Variants in SPTA1 observed in about 807,000 individuals in gnomAD.
The protein encoded by SPTA1 is spectrin alpha, erythrocytic 1, also known as spectrin alpha chain, erythrocytic 1.
In SPTA1, 177 loss-of-function variants were observed where a neutral mutation model predicts 324.7. The observed-to-expected ratio is 0.55, with a 90% CI of 0.48 to 0.62. The LOEUF (loss-of-function observed/expected upper bound fraction) is 0.62. SPTA1 is among the 20% of genes least tolerant of loss of function. SPTA1 has a pLI of 0.00. For synonymous variants in SPTA1, 1,195 were observed against 1,041.3 expected (o/e 1.15, Z -2.84); for missense variants, 3,162 against 2,883.6 (o/e 1.10, Z -2.21).
At chr1:158,674,830 T>A (rs1302447435) in intron 8 of SPTA1, among the ~76,000 whole-genome samples, 155 bp from the exon 9 acceptor site, 2 of 152,160 alleles carry the variant, frequency 1.3e-5, no homozygotes, top group Non-Finnish European at 2.9e-5. Context: ...TTATTTACAG[T>A]CAGAGATTAG....
At chr1:158,626,384 C>T (rs980382185) in intron 41 of SPTA1, among the ~76,000 whole-genome samples, 162 bp from the exon 42 acceptor site, 1 of 152,084 alleles carries the variant, frequency 6.6e-6, no homozygotes, top group Non-Finnish European at 1.5e-5. Context: ...GATCGTTTTT[C>T]TACCTAGGCA....
chr1:158,667,792 T>C (rs1440723758), intron 15 of SPTA1, 66 bp downstream of exon 15: 2 of 1,538,072 alleles, frequency 1.3e-6, no homozygotes, highest in Non-Finnish European at 1.8e-6. Flanking sequence ...TTTACAGTGG[T>C]AAAGATAAAG....
chr1:158,639,470 C>A, intron 35 of SPTA1, 112 bp downstream of exon 35: 1 of 1,127,382 alleles, frequency 8.9e-7, no homozygotes, highest in Non-Finnish European at 1.3e-6. Flanking sequence ...GTTGAGAACA[C>A]TAAGAACAAT....
chr1:158,657,472 CTT>C lies in SPTA1; in HGVS notation c.2805+3_2805+4del. 7.0e-6 allele frequency: 11 copies of C among 1,569,368 alleles called. No homozygotes were observed. The highest frequency in any genetic ancestry group is 9.6e-6 in the Non-Finnish European group (11 of 1,140,948). ...TTCACAATGTTAAACCCACCCCCACCTTACCCCAGCTGCTTCTTCATCAGCAC... is the reference window on the plus strand; with the variant it reads ...TTCACAATGTTAAACCCACCCCCACCACCCCAGCTGCTTCTTCATCAGCAC... On this transcript the variant is annotated splice_donor_region_variant and intron_variant, in intron 19 of 51. Coordinates refer to ENST00000643759, the MANE Select transcript of SPTA1 (RefSeq NM_003126.4).
intron 39 of SPTA1, among the ~76,000 whole-genome samples, chr1:158,634,185 T>C (rs1420349897): frequency 1.3e-5 from 2 of 152,206 alleles, no homozygotes; most frequent in African/African-American, 2.4e-5. Flanking sequence ...AAGATTTTTT[T>C]CCAAATCAAT....
chr1:158,681,419 G>A, intron 4 of SPTA1, 108 bp downstream of exon 4: 2 of 1,570,604 alleles, frequency 1.3e-6, no homozygotes, highest in Middle Eastern at 1.7e-4. Context: ...AACAAAGCCA[G>A]GAACAGACAT....
chr1:158,619,111 G>C (rs1215164092), intron 45 of SPTA1, 111 bp downstream of exon 45: 3 of 1,060,018 alleles, frequency 2.8e-6, no homozygotes, highest in Non-Finnish European at 4.4e-6. Context: ...GGGATTTTAG[G>C]GCAGAATACA....
chr1:158,682,619 C>T (rs376011394), intron 3 of SPTA1, among the ~76,000 whole-genome samples: 8 of 152,108 alleles, frequency 5.3e-5, no homozygotes, highest in South Asian at 4.2e-4. Flanking sequence ...AGGCCAGACC[C>T]AGTTTTAAGA....
At chr1:158,677,975 T>C in intron 6 of SPTA1, 141 bp from the exon 7 acceptor site, 5 of 1,049,014 alleles carry the variant, frequency 4.8e-6, no homozygotes, top group Non-Finnish European at 7.0e-6. Context: ...CAAAAAGTAA[T>C]ATAAAATGTT....
chr1:158,632,372 A>G (rs1002550269), intron 39 of SPTA1, among the ~76,000 whole-genome samples: 6 of 152,212 alleles, frequency 3.9e-5, no homozygotes, highest in African/African-American at 1.4e-4. Context: ...AGCCTACAAC[A>G]TTGTACCTAT....
At chr1:158,663,791 C>A (rs1488485587) in intron 16 of SPTA1, among the ~76,000 whole-genome samples, 7 of 152,144 alleles carry the variant, frequency 4.6e-5, no homozygotes, top group Non-Finnish European at 1.0e-4. Context: ...GTGCAGCAAA[C>A]TACCATGGCA....
chr1:158,686,609 A>G lies in SPTA1; in HGVS notation c.-92T>C. ...CAAATGGAACTGTCCAGTCGAATTC[A>G]AATAGAAATATAGAAACGTTAAGTA... On this transcript the variant is annotated 5_prime_UTR_variant, in exon 1 of 52. Transcript: ENST00000643759. The G allele has an allele frequency of 2.0e-6, 2 of 1,022,522 alleles. No homozygotes were observed. Among genetic ancestry groups the G allele is most frequent in the South Asian group, 1.3e-5 (1 of 75,742 alleles). 63.3% of individuals were successfully genotyped at this position (1,022,522 alleles called of 1,614,324 possible). A position where few individuals can be genotyped will look rare whatever the true frequency, so the allele number is the denominator to read the frequency against.
chr1:158,639,678 T>C lies in SPTA1; in HGVS notation c.4884A>G (p.Thr1628=), dbSNP rs755531027. The C allele has an allele frequency of 6.2e-7, 1 of 1,613,722 alleles. No individual in the cohort carries two copies. Among genetic ancestry groups the C allele is most frequent in the Non-Finnish European group, 8.5e-7 (1 of 1,179,906 alleles). Residue 1628 remains threonine, a synonymous_variant, in exon 35 of 52, where the codon ACA becomes ACG. Coordinates refer to ENST00000643759, the MANE Select transcript of SPTA1 (RefSeq NM_003126.4). ...DFEFWLSEAE[T]LLAMKDQARD... is the part of the protein sequence containing the mutation. ...TGGCCTGATCTTTCATGGCCAGCAA[T>C]GTCTCTGCCTGGAAATAGAGAAATA...
intron 15 of SPTA1, among the ~76,000 whole-genome samples, 161 bp downstream of exon 15, chr1:158,667,697 T>C (rs1407608849): frequency 6.6e-6 from 1 of 152,072 alleles, no homozygotes; most frequent in Admixed American, 6.5e-5. Context: ...TAAATTCAGG[T>C]TGGATTTTTA....
intron 47 of SPTA1, among the ~76,000 whole-genome samples, chr1:158,616,337 C>T (rs2101751929): frequency 6.6e-6 from 1 of 152,216 alleles, no homozygotes; most frequent in Admixed American, 6.5e-5. Context: ...CTATCAATTA[C>T]TAGTCTTATT....
At chr1:158,670,847 G>A (rs1018339447) in intron 12 of SPTA1, among the ~76,000 whole-genome samples, 4 of 151,628 alleles carry the variant, frequency 2.6e-5, no homozygotes, top group Non-Finnish European at 5.9e-5. Context: ...CCAAGGAAGA[G>A]AAAATTATAT....
At position 158,635,402 on chromosome 1, in the gene SPTA1, T is replaced by C. The variant is rs575241280; in HGVS notation, c.5432+511A>G. ...TAAGTTTCCTGAGGCCTCCCAGTCA[T>C]GCTTCCTGTACAGCCTATGAAACTA... On this transcript the variant is annotated intron_variant, in intron 38 of 51. Transcript: ENST00000643759. Among the ~76,000 whole-genome samples the C allele has an allele frequency of 1.3e-4, 19 of 151,800 alleles. No individual in the cohort carries two copies. The South Asian group carries it at 3.8e-3, about 30-fold the overall frequency.
chr1:158,632,908 A>AAAAAGT (rs1167630768), intron 39 of SPTA1, among the ~76,000 whole-genome samples: 7 of 152,172 alleles, frequency 4.6e-5, no homozygotes, highest in Non-Finnish European at 1.0e-4. Flanking sequence ...CATAGTCATC[A>AAAAAGT]AAAAGTGGAA....
chr1:158,672,591 A>G (rs1014726961), intron 10 of SPTA1, among the ~76,000 whole-genome samples: 1 of 152,224 alleles, frequency 6.6e-6, no homozygotes, highest in Non-Finnish European at 1.5e-5. Flanking sequence ...GCAGTGTCTA[A>G]AAAAGTGTAG....
Sources: allele counts gnomAD v4.1 joint callset (sites outside exome capture counted in the v4.1 genomes callset), GRCh38; gene constraint gnomAD v4.1.1; transcripts MANE v1.5; gene names NCBI Gene and HGNC (gene_info 2026-07-23, HGNC 2026-07-21).